The following GNPDA2 variants were observed in gnomAD, a reference collection of about 807,000 sequenced individuals.
The protein encoded by GNPDA2 is glucosamine-6-phosphate deaminase 2, also known as glcN6P deaminase 2.
A neutral mutation model predicts 27.0 loss-of-function variants in GNPDA2; 24 were observed. The ratio of observed to expected loss-of-function variants is 0.89; its 90% confidence interval spans 0.64 to 1.25. The LOEUF is 1.25. Among genes scored for constraint, GNPDA2 ranks in the 50% most tolerant of loss-of-function variants. GNPDA2 has a pLI of 0.00. For missense variants in GNPDA2, 286 were observed against 335.1 expected (o/e 0.85, Z 1.14); for synonymous variants, 94 against 108.4 (o/e 0.87, Z 0.83).
At chr4:44,707,495 A>G (rs1436382357) in intron 6 of GNPDA2, 1 of 439,712 alleles carries the variant, frequency 2.3e-6, no homozygotes, top group Non-Finnish European at 4.0e-6. Flanking sequence ...AAAGTAAATT[A>G]TTAAACCTTG....
At chr4:44,704,943 AAAAC>A (rs1716496653) in intron 6 of GNPDA2, 1 of 984,204 alleles carries the variant, frequency 1.0e-6, no homozygotes, top group Non-Finnish European at 1.2e-6. Flanking sequence ...GAGAATGAAT[AAAAC>A]AAATCCCCAC....
At chr4:44,703,169 TTG>T (rs1716379217) in intron 6 of GNPDA2, 27 bp from the exon 7 acceptor site, 1 of 1,592,514 alleles carries the variant, frequency 6.3e-7, no homozygotes, top group African/African-American at 1.4e-5. Context: ...ACAGTTCTAG[TTG>T]TTTTTATTAA....
intron 1 of GNPDA2, among the ~76,000 whole-genome samples, chr4:44,722,516 G>A (rs1907487): frequency 0.98 from 149,401 of 152,258 alleles, 73,365 homozygotes; most frequent in East Asian, 1. Context: ...CGAGGATTCA[G>A]CCAACCAAGA....
intron 4 of GNPDA2, among the ~76,000 whole-genome samples, chr4:44,712,143 T>C (rs554446207): frequency 6.6e-6 from 1 of 152,226 alleles, no homozygotes; most frequent in South Asian, 2.1e-4. Flanking sequence ...TAAGAATCTT[T>C]CCATGACATA....
intron 4 of GNPDA2, among the ~76,000 whole-genome samples, chr4:44,716,508 T>C (rs113893410): frequency 0.11 from 4,340 of 39,032 alleles, 199 homozygotes; most frequent in African/African-American, 0.24. Context: ...TTTTTAACTG[T>C]AGATTATATA....
chr4:44,720,775 G>A (rs925452967), intron 2 of GNPDA2, among the ~76,000 whole-genome samples: 2 of 152,036 alleles, frequency 1.3e-5, no homozygotes. Flanking sequence ...TCACTTGGCA[G>A]GTATATTACT....
At chr4:44,706,492 TGTCA>T (rs1389776815) in intron 6 of GNPDA2, 1 of 152,076 alleles carries the variant, frequency 6.6e-6, no homozygotes, top group African/African-American at 2.4e-5. Flanking sequence ...GCTTGCCAAA[TGTCA>T]GTTATTTGTA....
chr4:44,725,957 C>A (rs1004112986), intron 1 of GNPDA2, among the ~76,000 whole-genome samples: 2 of 152,166 alleles, frequency 1.3e-5, no homozygotes, highest in East Asian at 1.9e-4. Flanking sequence ...AGACCAGAAT[C>A]TACACTTGCA....
At chr4:44,714,501 G>A (rs1000043502) in intron 4 of GNPDA2, 40 of 985,174 alleles carry the variant, frequency 4.1e-5, no homozygotes, top group Non-Finnish European at 4.5e-5. Flanking sequence ...ACATTTTTGA[G>A]CTCTTCTCAT....
chr4:44,722,492 G>A (rs1378998711), intron 1 of GNPDA2, among the ~76,000 whole-genome samples: 3 of 152,138 alleles, frequency 2.0e-5, no homozygotes, highest in Non-Finnish European at 2.9e-5. Context: ...TTAGCCTTCT[G>A]TGGATTCCAT....
At chr4:44,709,564 G>C (rs540432823) in intron 5 of GNPDA2, among the ~76,000 whole-genome samples, 1 of 152,180 alleles carries the variant, frequency 6.6e-6, no homozygotes, top group Admixed American at 6.6e-5. Flanking sequence ...CATTGATACA[G>C]CTTTTTGCTA....
chr4:44,722,043 A>G (rs370534654), intron 2 of GNPDA2, 41 bp downstream of exon 2: 2 of 1,401,982 alleles, frequency 1.4e-6, no homozygotes, highest in Non-Finnish European at 2.0e-6. Context: ...AATTAAATTT[A>G]GATAATATCA....
chr4:44,720,944 C>T (rs1048849667), intron 2 of GNPDA2, among the ~76,000 whole-genome samples: 23 of 151,900 alleles, frequency 1.5e-4, no homozygotes, highest in African/African-American at 5.6e-4. Context: ...CAGAGGTAGG[C>T]TGAGTGTAAT....
At position 44,702,811 on chromosome 4, in the gene GNPDA2, C is replaced by A; in HGVS notation, c.*270G>T. The stretch of plus-strand genomic sequence containing the variant: ...CCTTTAAAATGACTTTTTAAACAGG[C>A]AGACATTTCTATGCTGTTTTATAGG... On this transcript the variant is annotated 3_prime_UTR_variant, in exon 7 of 7. Transcript: ENST00000295448. 7.9e-7 allele frequency: 1 copy of A among 1,262,308 alleles called. No homozygotes were observed. Among genetic ancestry groups the A allele is most frequent in the Non-Finnish European group, 9.9e-7 (1 of 1,005,734 alleles). 78.2% of individuals were successfully genotyped at this position (1,262,308 alleles called of 1,614,324 possible).
chr4:44,706,171 T>C (rs1343752429), intron 6 of GNPDA2: 1 of 151,838 alleles, frequency 6.6e-6, no homozygotes, highest in Admixed American at 6.6e-5. Flanking sequence ...CATGGGAAAA[T>C]AGAGTTAAAA....
At chr4:44,726,193 T>G (rs1424861540) in intron 1 of GNPDA2, among the ~76,000 whole-genome samples, 1 of 152,092 alleles carries the variant, frequency 6.6e-6, no homozygotes, top group Non-Finnish European at 1.5e-5. Context: ...TGTTAGGAAT[T>G]TTTAACGAGT....
rs1230610677 is a variant in GNPDA2, at chr4:44,701,831, C to A, written c.*1250G>T. Reference sequence around the variant, plus strand: ...CTGGAATTAAAGCAGCATAATTTACCCCATCCCCCACTTTTAACCATAAAA... The same window carrying A: ...CTGGAATTAAAGCAGCATAATTTACACCATCCCCCACTTTTAACCATAAAA... On this transcript the variant is annotated 3_prime_UTR_variant, in exon 7 of 7. Coordinates refer to ENST00000295448, the MANE Select transcript of GNPDA2 (RefSeq NM_138335.3). 1 of 984,140 alleles carries A rather than the reference C, an allele frequency of 1.0e-6. No homozygotes were observed. The highest frequency in any genetic ancestry group is 6.2e-5 in the Admixed American group (1 of 16,234). The allele number at this position is 984,140 out of a possible 1,614,324, so 61.0% of individuals were successfully genotyped here. A position where few individuals can be genotyped will look rare whatever the true frequency, so the allele number is the denominator to read the frequency against.
At chr4:44,717,000 C>A in intron 4 of GNPDA2, 113 bp downstream of exon 4, 2 of 630,806 alleles carry the variant, frequency 3.2e-6, no homozygotes, top group Non-Finnish European at 5.4e-6. Context: ...ACGCGTATTA[C>A]GGACAGCCAC....
In GNPDA2 at chr4:44,702,915, A is replaced by G; in HGVS notation, c.*166T>C. The stretch of plus-strand genomic sequence containing the variant: ...AGCTACTTCTCTTAAACCCAAGTAC[A>G]AGATATAAATATTCAAAATATGGAA... On this transcript the variant is annotated 3_prime_UTR_variant, in exon 7 of 7. Coordinates refer to ENST00000295448, the MANE Select transcript of GNPDA2 (RefSeq NM_138335.3). The G allele has an allele frequency of 6.9e-7, 1 of 1,446,622 alleles. No individual in the cohort carries two copies. The highest frequency in any genetic ancestry group is 1.5e-5 in the African/African-American group (1 of 68,552). 89.6% of individuals were successfully genotyped at this position (1,446,622 alleles called of 1,614,324 possible).
Sources: gnomAD v4.1 joint callset for allele counts (sites outside exome capture counted in the v4.1 genomes callset) on GRCh38, gnomAD v4.1.1 for gene constraint, MANE v1.5 for transcripts, NCBI Gene and HGNC (gene_info 2026-07-23, HGNC 2026-07-21) for gene names.